Variants in LCP2 observed in about 807,000 individuals in gnomAD.
LCP2 encodes the protein lymphocyte cytosolic protein 2.
A neutral mutation model predicts 74.5 loss-of-function variants in LCP2; 29 were observed. That is an observed-to-expected ratio of 0.39 (90% CI 0.29 to 0.53). The LOEUF is 0.53. Ranked by LOEUF, LCP2 falls within the 20% of genes least tolerant of loss-of-function variation. The pLI is 0.72. For missense variants in LCP2, 604 were observed against 634.6 expected (o/e 0.95, Z 0.52); for synonymous variants, 228 against 229.5 (o/e 0.99, Z 0.06).
intron 5 of LCP2, among the ~76,000 whole-genome samples, chr5:170,275,017 T>C (rs1312904496): frequency 2.7e-5 from 4 of 150,388 alleles, no homozygotes; most frequent in Non-Finnish European, 5.9e-5. Context: ...GGGGACTAGC[T>C]AAGCTCAGGT....
chr5:170,252,859 A>G (rs897331099), intron 18 of LCP2, among the ~76,000 whole-genome samples: 1 of 152,272 alleles, frequency 6.6e-6, no homozygotes, highest in Admixed American at 6.5e-5. Context: ...GTGACGAATC[A>G]AGGTCATAAA....
chr5:170,275,640 A>T, intron 4 of LCP2, 155 bp downstream of exon 4: 3 of 699,112 alleles, frequency 4.3e-6, no homozygotes, highest in Non-Finnish European at 7.4e-6. Flanking sequence ...AGGGGAGGGA[A>T]CCCCTTCCCC....
intron 5 of LCP2, 59 bp downstream of exon 5, chr5:170,275,261 G>C: frequency 1.3e-6 from 2 of 1,595,576 alleles, no homozygotes; most frequent in African/African-American, 2.7e-5. Context: ...AGAAAGGCAA[G>C]AAAACTGAAA....
chr5:170,277,287 A>G (rs1181164774), intron 3 of LCP2, among the ~76,000 whole-genome samples: 1 of 151,942 alleles, frequency 6.6e-6, no homozygotes, highest in Admixed American at 6.6e-5. Flanking sequence ...TGGCCTGCCT[A>G]TGAGAACGGC....
intron 18 of LCP2, among the ~76,000 whole-genome samples, 178 bp downstream of exon 18, chr5:170,252,941 A>T (rs1218420306): frequency 6.6e-6 from 1 of 152,246 alleles, no homozygotes; most frequent in Non-Finnish European, 1.5e-5. Flanking sequence ...CGTCTGAAAG[A>T]ACGCCAAGGG....
Position 170,256,587 on chromosome 5 carries a change from G to A in LCP2, c.1101-12C>T. On this transcript the variant is annotated splice_polypyrimidine_tract_variant and intron_variant, in intron 16 of 20. Transcript: ENST00000046794. This position sits in a 1 kb window ranked among gnomAD's most constrained non-coding sequence, Gnocchi z 4.5. ...GAAAACTGCTGTTACTGAGGAGACA[G>A]AAAAAGAACAAAATTTATTTGGATT... 1 of 1,604,068 alleles carries A rather than the reference G, an allele frequency of 6.2e-7. No homozygotes were observed. The highest frequency in any genetic ancestry group is 1.1e-5 in the South Asian group (1 of 90,858).
chr5:170,276,758 T>G (rs1233035752), intron 3 of LCP2, among the ~76,000 whole-genome samples: 3 of 151,866 alleles, frequency 2.0e-5, no homozygotes, highest in Non-Finnish European at 2.9e-5. Context: ...CCCTTAGTAG[T>G]CAATAGGCTT....
At chr5:170,287,168 A>T (rs941837021) in intron 3 of LCP2, among the ~76,000 whole-genome samples, 1 of 152,198 alleles carries the variant, frequency 6.6e-6, no homozygotes, top group African/African-American at 2.4e-5. Flanking sequence ...TTCACCAACA[A>T]TGAGGCTTTG....
At chr5:170,276,864 T>G (rs1736406231) in intron 3 of LCP2, among the ~76,000 whole-genome samples, 1 of 151,744 alleles carries the variant, frequency 6.6e-6, no homozygotes, top group African/African-American at 2.4e-5. Flanking sequence ...GATCATGAAG[T>G]CAAGAGATCG....
In LCP2 at chr5:170,275,319, C is replaced by T; in HGVS notation, c.286+1G>A. On this transcript the variant is annotated splice_donor_variant, in intron 5 of 20. Coordinates refer to ENST00000046794, the MANE Select transcript of LCP2 (RefSeq NM_005565.5). LOFTEE classifies it high-confidence loss of function. ...TCACCTCTGAGCCCTGAGAGCTTTA[C>T]CTGTCTCTTCAGGAAACCGCGGGAC... 1 of 1,614,014 alleles carries T rather than the reference C, an allele frequency of 6.2e-7. No homozygotes were observed. The highest frequency in any genetic ancestry group is 8.5e-7 in the Non-Finnish European group (1 of 1,179,876).
chr5:170,255,918 C>T (rs1761541405), intron 17 of LCP2, among the ~76,000 whole-genome samples: 1 of 152,218 alleles, frequency 6.6e-6, no homozygotes, highest in South Asian at 2.1e-4. Context: ...AAACACAGGT[C>T]CCTGACTTCA....
At position 170,258,118 on chromosome 5, in the gene LCP2, T is replaced by C. The variant is rs1581059346; in HGVS notation, c.1019A>G (p.Asn340Ser). The C allele has an allele frequency of 6.2e-7, 1 of 1,613,882 alleles. No individual in the cohort carries two copies. The change falls in exon 16 of 21, where the codon AAC (asparagine) becomes AGC (serine). Residue 340 changes from asparagine (N) to serine (S), a missense_variant. Physicochemically the swap from Asn to Ser is conservative, Grantham distance 46. Transcript: ENST00000046794. ...CTTAGTAGATCTTGAAGGGAAAGTG[T>C]TGGAGCTCATAGGAAGTAGTGCTGG... is the stretch of plus-strand genomic sequence containing the variant. ...PQPALLPMSSNTFPSRSTKPS... is the reference protein window; with the variant it reads ...PQPALLPMSSSTFPSRSTKPS...
chr5:170,289,493 C>T (rs1385180375), intron 2 of LCP2, among the ~76,000 whole-genome samples: 1 of 152,124 alleles, frequency 6.6e-6, no homozygotes, highest in Admixed American at 6.5e-5. Context: ...CTGATCTGGA[C>T]GCTGATCAGA....
rs764153685 is a variant in LCP2 at position 170,270,802 on chromosome 5, G to T, written c.440C>A (p.Pro147Gln). The T allele has an allele frequency of 6.2e-7, 1 of 1,611,120 alleles. No homozygotes were observed. The highest frequency in any genetic ancestry group is 2.2e-5 in the East Asian group (1 of 44,692). Residue 147 changes from proline (P) to glutamine (Q), a missense_variant, in exon 7 of 21, where the codon CCG becomes CAG. Pro to Gln is a moderately conservative substitution (Grantham distance 76). Transcript: ENST00000046794. ...APVEDDADYE[P>Q]PPSNDEEALQ... ...AGCTTCCTCGTCATTGGAGGGTGGCGGCTCATAATCCGCGTCATCTTCCAC... is the reference window on the plus strand; with the variant it reads ...AGCTTCCTCGTCATTGGAGGGTGGCTGCTCATAATCCGCGTCATCTTCCAC...
intron 3 of LCP2, among the ~76,000 whole-genome samples, chr5:170,277,743 CAAAAA>C (rs371915364): frequency 0.19 from 22,624 of 117,520 alleles, 2,416 homozygotes; most frequent in African/African-American, 0.34. Flanking sequence ...AACTTCGTCT[CAAAAA>C]AAAAAAAAAA....
chr5:170,286,934 A>G (rs759462289), intron 3 of LCP2, among the ~76,000 whole-genome samples: 34 of 152,242 alleles, frequency 2.2e-4, no homozygotes, highest in Non-Finnish European at 4.1e-4. Flanking sequence ...GACTATATGT[A>G]GCCCTTAGGT....
intron 3 of LCP2, among the ~76,000 whole-genome samples, chr5:170,282,646 G>A (rs987963520): frequency 3.9e-5 from 6 of 152,170 alleles, no homozygotes; most frequent in African/African-American, 1.4e-4. Context: ...CATAAAGCAA[G>A]AATAGCCAAC....
chr5:170,292,343 G>A (rs1043598578), intron 2 of LCP2, among the ~76,000 whole-genome samples: 1 of 152,144 alleles, frequency 6.6e-6, no homozygotes, highest in Non-Finnish European at 1.5e-5. Context: ...CTAGAAAGGG[G>A]CAGATGACTG....
intron 6 of LCP2, among the ~76,000 whole-genome samples, chr5:170,273,200 A>G (rs1420778497): frequency 1.3e-5 from 2 of 152,136 alleles, no homozygotes; most frequent in African/African-American, 4.8e-5. Flanking sequence ...CTCTATAGCC[A>G]CTAGTGAATG....
Sources: gnomAD v4.1 joint callset for allele counts (sites outside exome capture counted in the v4.1 genomes callset) on GRCh38, gnomAD v4.1.1 for gene constraint, Gnocchi (gnomAD v3.1) non-coding constraint, MANE v1.5 for transcripts, NCBI Gene and HGNC (gene_info 2026-07-23, HGNC 2026-07-21) for gene names.